ARHGEF2: variants seen among roughly 807,000 people sequenced by gnomAD.
ARHGEF2 encodes Rho/Rac guanine nucleotide exchange factor 2.
In ARHGEF2, 22 loss-of-function variants were observed where a neutral mutation model predicts 121.0. The observed-to-expected ratio is 0.18, with a 90% CI of 0.13 to 0.26. ARHGEF2 has a LOEUF of 0.26. ARHGEF2 is among the 10% of genes least tolerant of loss of function. The probability of loss-of-function intolerance (pLI) is 1.00; values close to 1 mark genes in which losing one functional copy is unlikely to be tolerated. For missense variants in ARHGEF2, 907 were observed against 1,336.0 expected, an observed-to-expected ratio of 0.68 and a Z score of 5.01; for synonymous variants, 487 against 530.0, an observed-to-expected ratio of 0.92 and a Z score of 1.11.
rs753334171 is a variant in ARHGEF2 at position 155,965,583 on chromosome 1, T to C, written c.470+48A>G. The C allele has an allele frequency of 6.2e-7, 1 of 1,611,014 alleles. No individual in the cohort carries two copies. Among genetic ancestry groups the C allele is most frequent in the Non-Finnish European group, 8.5e-7 (1 of 1,179,480 alleles). Reference sequence around the variant, plus strand: ...GGGACCTCTCAGCACCCCCTTGGCCTCCACTGCCACACTCTCTGGCTGCCC... The same window carrying C: ...GGGACCTCTCAGCACCCCCTTGGCCCCCACTGCCACACTCTCTGGCTGCCC... On this transcript the variant is annotated intron_variant, in intron 5 of 21. Transcript: ENST00000361247. This position sits in a 1 kb window ranked among gnomAD's most constrained non-coding sequence, Gnocchi z 6.0.
Position 155,957,816 on chromosome 1 carries a change from T to A in ARHGEF2, c.1612A>T (p.Met538Leu). 6.2e-7 allele frequency: 1 copy of A among 1,614,184 alleles called. No individual in the cohort carries two copies. The highest frequency in any genetic ancestry group is 8.5e-7 in the Non-Finnish European group (1 of 1,180,024). ...VRDIANQEKG[M>L]FLISAAPPEM... ...GGTGGGGCTGCGCTGATCAGAAACA[T>A]CCCTTTCTCCTGGTTGGCAATGTCT... is the stretch of plus-strand genomic sequence containing the variant. The change falls in exon 13 of 22, where the codon ATG (methionine) becomes TTG (leucine). Residue 538 changes from methionine (M) to leucine (L), a missense_variant. Met to Leu is a conservative substitution (Grantham distance 15). Around this residue, in one of 2 missense-constraint regions of ARHGEF2, gnomAD observed 475 missense variants for 776.5 expected, o/e 0.61. Transcript: ENST00000361247.
intron 1 of ARHGEF2, chr1:155,970,615 C>T (rs1173799560): frequency 1.0e-6 from 1 of 985,330 alleles, no homozygotes; most frequent in African/African-American, 1.7e-5. Context: ...CAGCGGGAAG[C>T]ACTCAGCCCG....
intron 13 of ARHGEF2, among the ~76,000 whole-genome samples, chr1:155,955,668 TA>T (rs1411938835): frequency 1.3e-5 from 2 of 152,306 alleles, no homozygotes; most frequent in Admixed American, 6.5e-5. Context: ...GCTTTGAACA[TA>T]ACAGAAGCTC....
upstream of ARHGEF2, chr1:155,978,753 TG>T: frequency 8.6e-6 from 7 of 811,744 alleles, no homozygotes; most frequent in Non-Finnish European, 1.1e-5. The surrounding 1 kb of genome is among the most constrained non-coding windows in gnomAD (Gnocchi z 4.1). Flanking sequence ...CTCCAGCGCC[TG>T]GGGGCGCCCT....
Position 155,978,327 on chromosome 1 carries a change from G to T in ARHGEF2, c.63+38C>A. 6.8e-7 allele frequency: 1 copy of T among 1,477,866 alleles called. No individual in the cohort carries two copies. The highest frequency in any genetic ancestry group is 9.1e-7 in the Non-Finnish European group (1 of 1,098,022). The allele number at this position is 1,477,866 out of a possible 1,614,324, so 91.5% of individuals were successfully genotyped here. A position where few individuals can be genotyped will look rare whatever the true frequency, so the allele number is the denominator to read the frequency against. On this transcript the variant is annotated intron_variant, in intron 1 of 21. Coordinates refer to ENST00000361247, the MANE Select transcript of ARHGEF2 (RefSeq NM_001162383.2). The surrounding 1 kb of genome is among the most constrained non-coding windows in gnomAD (Gnocchi z 4.1). ...GGGTGCCGGGGTTCGGGGAGCACCC[G>T]AGGACCGCGGCGAAAGGAGAGGGGT...
chr1:155,976,627 C>T (rs1223536878), intron 1 of ARHGEF2, among the ~76,000 whole-genome samples: 2 of 130,558 alleles, frequency 1.5e-5, no homozygotes, highest in Non-Finnish European at 3.2e-5. Flanking sequence ...CTCTCTATAC[C>T]CCCTAGCCAG....
chr1:155,957,069 A>G (rs1676848176), intron 13 of ARHGEF2, among the ~76,000 whole-genome samples: 1 of 151,914 alleles, frequency 6.6e-6, no homozygotes, highest in African/African-American at 2.4e-5. Flanking sequence ...ACCTGTAAAA[A>G]TCTGAATTAG....
rs935681864 is a variant in ARHGEF2 at position 155,950,048 on chromosome 1, C to T, written c.2887+251G>A. ...AAGTGTTAGGATTACAGGCCTGAGC[C>T]GCCATGCCTTTTTAAAAAAGAATCT... On this transcript the variant is annotated intron_variant, in intron 21 of 21. Transcript: ENST00000361247. The surrounding 1 kb of genome is among the most constrained non-coding windows in gnomAD (Gnocchi z 5.2). Among the ~76,000 whole-genome samples the T allele has an allele frequency of 6.6e-5, 10 of 152,066 alleles. No homozygotes were observed. The highest frequency in any genetic ancestry group is 1.9e-4 in the African/African-American group (8 of 41,406).
intron 7 of ARHGEF2, 142 bp from the exon 8 acceptor site, chr1:155,963,325 C>A: frequency 9.2e-5 from 54 of 588,408 alleles, no homozygotes; most frequent in Non-Finnish European, 1.4e-4. Flanking sequence ...ATCTTAGATA[C>A]TTTTCTAATC....
intron 1 of ARHGEF2, among the ~76,000 whole-genome samples, chr1:155,972,693 G>A (rs1680675899): frequency 6.6e-6 from 1 of 150,984 alleles, no homozygotes; most frequent in African/African-American, 2.4e-5. Context: ...CCAGCATCTA[G>A]ATACTTTTTT....
Position 155,964,972 on chromosome 1 carries a change from G to A in ARHGEF2, c.724+16C>T. On this transcript the variant is annotated intron_variant, in intron 7 of 21. Coordinates refer to ENST00000361247, the MANE Select transcript of ARHGEF2 (RefSeq NM_001162383.2). ...CCTGGTGAAGGAAGAGGAAGACTAG[G>A]GTGGTCTTGGCTTACCATAGATGAC... 6.2e-7 allele frequency: 1 copy of A among 1,610,890 alleles called. No homozygotes were observed. Among genetic ancestry groups the A allele is most frequent in the Non-Finnish European group, 8.5e-7 (1 of 1,177,960 alleles).
intron 7 of ARHGEF2, among the ~76,000 whole-genome samples, chr1:155,963,427 C>A (rs1272399575): frequency 6.7e-6 from 1 of 150,122 alleles, no homozygotes; most frequent in Non-Finnish European, 1.5e-5. Context: ...CTCACTGCAA[C>A]CTCCACCTCC....
At chr1:155,960,796 C>A (rs772803018) in intron 11 of ARHGEF2, among the ~76,000 whole-genome samples, 1 of 152,194 alleles carries the variant, frequency 6.6e-6, no homozygotes, top group Non-Finnish European at 1.5e-5. Context: ...CACATCTCAT[C>A]CCCAAAGCCA....
chr1:155,960,083 C>G (rs548481497), intron 11 of ARHGEF2, among the ~76,000 whole-genome samples: 1 of 152,288 alleles, frequency 6.6e-6, no homozygotes, highest in African/African-American at 2.4e-5. Context: ...CTGCTTCACA[C>G]TCCAAGCTCT....
chr1:155,964,181 T>A (rs1434007392), intron 7 of ARHGEF2, among the ~76,000 whole-genome samples: 50 of 43,016 alleles, frequency 1.2e-3, no homozygotes, highest in African/African-American at 2.5e-3. Context: ...TATATATATA[T>A]ATATATATAT....
At chr1:155,972,096 T>C (rs1680579295) in intron 1 of ARHGEF2, among the ~76,000 whole-genome samples, 1 of 151,900 alleles carries the variant, frequency 6.6e-6, no homozygotes, top group East Asian at 1.9e-4. Context: ...CCACAAACAC[T>C]CATCTGTCTG....
intron 7 of ARHGEF2, among the ~76,000 whole-genome samples, chr1:155,964,176 A>ATATATATATATG (rs1553244943): frequency 4.2e-5 from 4 of 95,520 alleles, no homozygotes; most frequent in African/African-American, 1.5e-4. Context: ...AAATATATAT[A>ATATATATATATG]TATATATATA....
chr1:155,958,579 T>G (rs1022708324), intron 11 of ARHGEF2, among the ~76,000 whole-genome samples, 183 bp from the exon 12 acceptor site: 1 of 150,500 alleles, frequency 6.6e-6, no homozygotes, highest in African/African-American at 2.4e-5. Flanking sequence ...ATTCTATTTT[T>G]TTTTTTTTTT....
In ARHGEF2 at chr1:155,962,414, A is replaced by G; in HGVS notation, c.1101+179T>C. 9.3e-7 allele frequency: 1 copy of G among 1,080,366 alleles called. No homozygotes were observed. The highest frequency in any genetic ancestry group is 1.5e-5 in the South Asian group (1 of 65,630). The allele number at this position is 1,080,366 out of a possible 1,614,324, so 66.9% of individuals were successfully genotyped here. A position where few individuals can be genotyped will look rare whatever the true frequency, so the allele number is the denominator to read the frequency against. ...TGAAGGAGCAAAAAGTACTTGGGAA[A>G]CTACCACAACGTGCTCTAGCATTCT... On this transcript the variant is annotated intron_variant, in intron 9 of 21. Transcript: ENST00000361247. This position sits in a 1 kb window ranked among gnomAD's most constrained non-coding sequence, Gnocchi z 5.8.
Sources: allele counts gnomAD v4.1 joint callset (sites outside exome capture counted in the v4.1 genomes callset), GRCh38; gene constraint gnomAD v4.1.1; regional missense constraint gnomAD v4.1.1; non-coding constraint Gnocchi (gnomAD v3.1); transcripts MANE v1.5; gene names NCBI Gene and HGNC (gene_info 2026-07-23, HGNC 2026-07-21).